Variants in EHBP1 observed in about 807,000 individuals in gnomAD.
EHBP1 encodes the protein EH domain-binding protein 1.
EHBP1 carries 55 observed loss-of-function variants against 144.0 expected under a neutral mutation model. The ratio of observed to expected loss-of-function variants is 0.38; its 90% CI spans 0.31 to 0.48. The LOEUF is 0.48. Among genes scored for constraint, EHBP1 ranks in the 20% least tolerant of loss-of-function variants. EHBP1 has a pLI of 0.98. For synonymous variants in EHBP1, 469 were observed against 472.7 expected (o/e 0.99, Z 0.10); for missense variants, 1,200 against 1,364.2 (o/e 0.88, Z 1.90).
chr2:63,045,242 G>C lies in EHBP1; in HGVS notation c.3392+62G>C, dbSNP rs2061905908. The C allele has an allele frequency of 4.0e-6, 6 of 1,490,396 alleles. No individual in the cohort carries two copies. The highest frequency in any genetic ancestry group is 5.5e-6 in the Non-Finnish European group (6 of 1,092,524). 92.3% of individuals were successfully genotyped at this position (1,490,396 alleles called of 1,614,324 possible). A position where few individuals can be genotyped will look rare whatever the true frequency, so the allele number is the denominator to read the frequency against. ...CCTGCCGAGGGGCCGAGAAGTGTGC[G>C]GAAAGTTCAATCCAGAGGTCGCGGG... On this transcript the variant is annotated intron_variant, in intron 22 of 22. Transcript: ENST00000431489. The surrounding 1 kb of genome is among the most constrained non-coding windows in gnomAD (Gnocchi z 5.7).
chr2:62,948,256 G>T lies in EHBP1; in HGVS notation c.1414-4G>T. On this transcript the variant is annotated splice_region_variant and splice_polypyrimidine_tract_variant and intron_variant, in intron 12 of 22. Transcript: ENST00000431489. ...TATATCTTTTGTTTTTCCTTCCTTT[G>T]AAGGCATACGATGGATTTGCCAGCA... The T allele has an allele frequency of 6.5e-7, 1 of 1,537,964 alleles. No homozygotes were observed. The highest frequency in any genetic ancestry group is 2.1e-5 in the Admixed American group (1 of 48,286).
chr2:62,770,362 A>G (rs1443458554), intron 4 of EHBP1, among the ~76,000 whole-genome samples: 1 of 152,242 alleles, frequency 6.6e-6, no homozygotes, highest in Admixed American at 6.5e-5. Context: ...AAGGACACGA[A>G]CAGGCACATT....
At chr2:62,978,760 C>T (rs2058829246) in intron 14 of EHBP1, among the ~76,000 whole-genome samples, 1 of 152,150 alleles carries the variant, frequency 6.6e-6, no homozygotes, top group South Asian at 2.1e-4. Flanking sequence ...GCATAGTATA[C>T]CAGCATTTTC....
chr2:62,864,621 C>A (rs2049898113), intron 8 of EHBP1, 110 bp from the exon 9 acceptor site: 1 of 1,034,278 alleles, frequency 9.7e-7, no homozygotes, highest in Non-Finnish European at 1.4e-6. Flanking sequence ...TCTTTCTCAG[C>A]CCCATAGAGC....
chr2:62,754,431 C>T (rs1002941872), intron 3 of EHBP1, among the ~76,000 whole-genome samples: 7 of 152,172 alleles, frequency 4.6e-5, no homozygotes, highest in Non-Finnish European at 7.3e-5. Context: ...TTAGGCTACT[C>T]GGGGTTTAGG....
intron 9 of EHBP1, among the ~76,000 whole-genome samples, chr2:62,874,053 C>G (rs1011463619): frequency 6.6e-6 from 1 of 151,986 alleles, no homozygotes; most frequent in Non-Finnish European, 1.5e-5. Flanking sequence ...AAAATATACA[C>G]GATTTACTAT....
rs748968081 is a variant in EHBP1 at position 62,942,731 on chromosome 2, C to T, written c.1199C>T (p.Pro400Leu). 1.2e-6 allele frequency: 2 copies of T among 1,602,680 alleles called. No homozygotes were observed. The highest frequency in any genetic ancestry group is 1.1e-5 in the South Asian group (1 of 88,850). The change falls in exon 11 of 23, where the codon CCA becomes CTA. Residue 400 changes from proline (P) to leucine (L), a missense_variant. Transcript: ENST00000431489. ...LSTSPKPSPI[P>L]SPVLGRKPNA... Reference sequence around the variant, plus strand: ...ATTTTTTTCTAGCCAAGCCCTATACCAAGTCCTGTTTTGGGGCGAAAGCCA... The same window carrying T: ...ATTTTTTTCTAGCCAAGCCCTATACTAAGTCCTGTTTTGGGGCGAAAGCCA...
At chr2:62,737,764 A>T (rs991860190) in intron 2 of EHBP1, among the ~76,000 whole-genome samples, 1 of 152,096 alleles carries the variant, frequency 6.6e-6, no homozygotes, top group Admixed American at 6.6e-5. Flanking sequence ...GTCTTTAAAA[A>T]AAAAGAGTTT....
intron 10 of EHBP1, among the ~76,000 whole-genome samples, chr2:62,903,026 T>C (rs2053535583): frequency 1.3e-5 from 2 of 152,206 alleles, no homozygotes; most frequent in South Asian, 4.1e-4. Context: ...ACTTGCTAAG[T>C]GAGCTCTTGT....
intron 2 of EHBP1, among the ~76,000 whole-genome samples, chr2:62,732,370 G>A (rs185075415): frequency 6.6e-6 from 1 of 152,174 alleles, no homozygotes. Context: ...CCCATTATGT[G>A]TATTTATGTC....
intron 2 of EHBP1, among the ~76,000 whole-genome samples, chr2:62,722,498 T>TA (rs1357278748): frequency 6.6e-6 from 1 of 152,220 alleles, no homozygotes; most frequent in Non-Finnish European, 1.5e-5. Context: ...CATTTGTATG[T>TA]AATGTTATTA....
At chr2:62,751,193 A>T (rs1379548480) in intron 3 of EHBP1, among the ~76,000 whole-genome samples, 1 of 152,158 alleles carries the variant, frequency 6.6e-6, no homozygotes, top group Non-Finnish European at 1.5e-5. Flanking sequence ...TTTAGCATGA[A>T]GGGCTGTTGA....
chr2:62,803,828 T>C lies in EHBP1; in HGVS notation c.313-22259T>C, dbSNP rs529653951. Among the ~76,000 whole-genome samples, 3 of 152,322 alleles carry C rather than the reference T, an allele frequency of 2.0e-5. No individual in the cohort carries two copies. The South Asian group carries it at 6.2e-4, about 32-fold the overall frequency. On this transcript the variant is annotated intron_variant, in intron 5 of 22. Coordinates refer to ENST00000431489, the MANE Select transcript of EHBP1 (RefSeq NM_001142616.3). ...CTTTTATGCGGTACAGTGTAGTGGATAAATGTACAAGTTGTAGAGCCAGAT... is the reference window on the plus strand; with the variant it reads ...CTTTTATGCGGTACAGTGTAGTGGACAAATGTACAAGTTGTAGAGCCAGAT...
chr2:62,806,014 C>G (rs1379598537), intron 5 of EHBP1, among the ~76,000 whole-genome samples: 1 of 151,604 alleles, frequency 6.6e-6, no homozygotes, highest in Non-Finnish European at 1.5e-5. Context: ...GGGTCTCACT[C>G]TGTCATTTAG....
At chr2:62,750,531 G>A (rs957432336) in intron 3 of EHBP1, among the ~76,000 whole-genome samples, 5 of 152,170 alleles carry the variant, frequency 3.3e-5, no homozygotes, top group African/African-American at 1.2e-4. Context: ...AAAGTCATTG[G>A]TAGCTTGATG....
At chr2:62,940,609 C>T (rs1038441532) in intron 10 of EHBP1, among the ~76,000 whole-genome samples, 1 of 152,112 alleles carries the variant, frequency 6.6e-6, no homozygotes, top group Non-Finnish European at 1.5e-5. Context: ...TCCTTTATGG[C>T]TTTCTGTAAA....
In EHBP1 at chr2:62,892,217, T is replaced by C. The variant is rs138229987; in HGVS notation, c.1185+17685T>C. Among the ~76,000 whole-genome samples the C allele has an allele frequency of 4.7e-4, 72 of 152,304 alleles. 1 individual carries two copies. Among genetic ancestry groups the C allele is most frequent in the African/African-American group, 1.5e-3 (64 of 41,586 alleles). ...AAGCTATTTTTCCACCACCACCACG[T>C]GTTATTGAAACGAAATTGTTTAGTG... On this transcript the variant is annotated intron_variant, in intron 10 of 22. Coordinates refer to ENST00000431489, the MANE Select transcript of EHBP1 (RefSeq NM_001142616.3).
intron 5 of EHBP1, among the ~76,000 whole-genome samples, chr2:62,809,852 A>AT (rs992221234): frequency 4.6e-5 from 7 of 151,738 alleles, no homozygotes; most frequent in African/African-American, 9.7e-5. Flanking sequence ...TCCAAAAAAA[A>AT]TTTTTTTTTG....
intron 13 of EHBP1, 42 bp from the exon 14 acceptor site, chr2:62,955,475 C>A: frequency 7.0e-7 from 1 of 1,428,620 alleles, no homozygotes; most frequent in East Asian, 2.3e-5. Context: ...GTAGATTACC[C>A]GTTTTTTTTT....
Sources: allele counts gnomAD v4.1 joint callset (sites outside exome capture counted in the v4.1 genomes callset), GRCh38; gene constraint gnomAD v4.1.1; non-coding constraint Gnocchi (gnomAD v3.1); transcripts MANE v1.5; gene names NCBI Gene and HGNC (gene_info 2026-07-23, HGNC 2026-07-21).